The following CD209 variants were observed in gnomAD, a reference collection of about 807,000 sequenced individuals.
The protein encoded by CD209 is CD209 molecule.
A neutral mutation model predicts 44.7 loss-of-function variants in CD209; 31 were observed. The ratio of observed to expected loss-of-function variants is 0.69; its 90% CI spans 0.52 to 0.94. The LOEUF is 0.94. Among genes scored for constraint, CD209 ranks in the 40% least tolerant of loss-of-function variants. The pLI is 0.00. For synonymous variants in CD209, 173 were observed against 181.3 expected (o/e 0.95, Z 0.37); for missense variants, 407 against 452.4 (o/e 0.90, Z 0.91).
chr19:7,746,473 C>A lies in CD209; in HGVS notation c.165G>T (p.Gly55=), dbSNP rs1018608140. 1.9e-6 allele frequency: 3 copies of A among 1,613,468 alleles called. No homozygotes were observed. The highest frequency in any genetic ancestry group is 1.3e-5 in the African/African-American group (1 of 74,948). ...LQLLSFTLLA[G]LLVQVSKVPS... ...CCTGCCCCTGACCTTGGACAAGGAG[C>A]CCAGCCAAGAGCGTGAAGGAGAGGA... Residue 55 remains glycine (G), a synonymous_variant, in exon 3 of 7, where the codon GGG becomes GGT. Transcript: ENST00000315599.
intron 5 of CD209, 96 bp downstream of exon 5, chr19:7,744,845 A>G: frequency 1.3e-6 from 2 of 1,522,404 alleles, no homozygotes; most frequent in South Asian, 1.2e-5. Context: ...CAAGTGGAGC[A>G]AAACCCCTCT....
Position 7,744,094 on chromosome 19 carries a change from T to G in CD209, c.1013+13A>C. 6.3e-7 allele frequency: 1 copy of G among 1,598,154 alleles called. No individual in the cohort carries two copies. Among genetic ancestry groups the G allele is most frequent in the African/African-American group, 1.3e-5 (1 of 74,714 alleles). ...CCAGCCCCAGTGGATAGGGTGCCCCTTCTGAGATCTACCTGGGCAACAGAG... is the reference window on the plus strand; with the variant it reads ...CCAGCCCCAGTGGATAGGGTGCCCCGTCTGAGATCTACCTGGGCAACAGAG... On this transcript the variant is annotated intron_variant, in intron 6 of 6. Transcript: ENST00000315599.
Position 7,740,708 on chromosome 19 carries a change from AAAG to A in CD209, c.*2328_*2330del. ...AGAAGGCACAAGAAGAATTCAGAAT[AAAG>A]AAGGAAAAGGAAGAGGTGGCTAGAA... On this transcript the variant is annotated 3_prime_UTR_variant, in exon 7 of 7. Transcript: ENST00000315599. The A allele has an allele frequency of 2.6e-6, 2 of 771,790 alleles. No homozygotes were observed. The highest frequency in any genetic ancestry group is 1.4e-5 in the South Asian group (1 of 73,862). The allele number at this position is 771,790 out of a possible 1,614,324, so 47.8% of individuals were successfully genotyped here.
rs1199647739 is a variant in CD209 at position 7,744,974 on chromosome 19, G to A, written c.867C>T (p.Ala289=). Residue 289 remains alanine (A), a synonymous_variant, in exon 5 of 7, where the codon GCC becomes GCT. Coordinates refer to ENST00000315599, the MANE Select transcript of CD209 (RefSeq NM_021155.4). ...CAGCACTTTTGATTACGACGAGCTG[G>A]GCCCCCACTTCTTTGCAGGCGGTGA... ...DSITACKEVG[A]QLVVIKSAEE... is the part of the protein sequence containing the mutation. 6.2e-7 allele frequency: 1 copy of A among 1,614,178 alleles called. No homozygotes were observed. Among genetic ancestry groups the A allele is most frequent in the Non-Finnish European group, 8.5e-7 (1 of 1,180,028 alleles).
rs745949019 is a variant in CD209 at position 7,745,094 on chromosome 19, T to G, written c.749-2A>C. On this transcript the variant is annotated splice_acceptor_variant, in intron 4 of 6. Transcript: ENST00000315599. LOFTEE classifies it high-confidence loss of function. ...AGGGACAGGGGTGGCACAGGCGTTC[T>G]GTTGGGGGAGGCTGGTCAGGGCTGG... The G allele has an allele frequency of 3.1e-6, 5 of 1,614,228 alleles. No homozygotes were observed. Among genetic ancestry groups the G allele is most frequent in the African/African-American group, 1.3e-5 (1 of 75,070 alleles).
Position 7,742,958 on chromosome 19 carries a change from G to T in CD209, c.*81C>A. 2 of 1,146,288 alleles carry T rather than the reference G, an allele frequency of 1.7e-6. No homozygotes were observed. The highest frequency in any genetic ancestry group is 2.6e-5 in the South Asian group (2 of 77,164). The allele number at this position is 1,146,288 out of a possible 1,614,324, so 71.0% of individuals were successfully genotyped here. A position where few individuals can be genotyped will look rare whatever the true frequency, so the allele number is the denominator to read the frequency against. On this transcript the variant is annotated 3_prime_UTR_variant, in exon 7 of 7. Transcript: ENST00000315599. Reference sequence around the variant, plus strand: ...CAGCCTTCTAAAGGAGGAAGAATCTGACAAAGAACAGTCCCAGAGATTTTG... The same window carrying T: ...CAGCCTTCTAAAGGAGGAAGAATCTTACAAAGAACAGTCCCAGAGATTTTG...
rs573506619 is a variant in CD209 at position 7,746,067 on chromosome 19, T to C, written c.199A>G (p.Ile67Val). Residue 67 changes from isoleucine (I) to valine (V), a missense_variant, in exon 4 of 7, where the codon ATA becomes GTA. Physicochemically the swap from Ile to Val is conservative, Grantham distance 29. Transcript: ENST00000315599. ...TCTTGCCTGGATTGTTCCTGACTTA[T>C]GGAGCTGGGGACCTTGGACACTGGG... ...LVQVSKVPSSISQEQSRQDAI... is the reference protein window; with the variant it reads ...LVQVSKVPSSVSQEQSRQDAI... 9.5e-5 allele frequency: 154 copies of C among 1,614,228 alleles called. 2 individuals are homozygous for C. In the South Asian group the frequency reaches 1.5e-3, roughly 16 times the overall value.
Position 7,745,844 on chromosome 19 carries a change from G to T in CD209, c.422C>A (p.Ser141Tyr), listed in dbSNP as rs776341389. The T allele has an allele frequency of 4.3e-6, 7 of 1,610,862 alleles. No individual in the cohort carries two copies. The highest frequency in any genetic ancestry group is 5.9e-6 in the Non-Finnish European group (7 of 1,179,686). The change falls in exon 4 of 7, where the codon TCT becomes TAT. Residue 141 changes from serine (S) to tyrosine (Y), a missense_variant. By Grantham distance (144) the Ser-to-Tyr change is moderately radical. Coordinates refer to ENST00000315599, the MANE Select transcript of CD209 (RefSeq NM_021155.4). ...CTCCTGGTAGATCTCCTGCAGCTTAGATTTCTCTGGAAGCTCACCCACTGC... is the reference window on the plus strand; with the variant it reads ...CTCCTGGTAGATCTCCTGCAGCTTATATTTCTCTGGAAGCTCACCCACTGC... ...KAAVGELPEK[S>Y]KLQEIYQELT...
intron 6 of CD209, 126 bp downstream of exon 6, chr19:7,743,981 C>T (rs568356156): frequency 1.3e-6 from 1 of 756,142 alleles, no homozygotes; most frequent in East Asian, 2.7e-5. Context: ...CCTTCCTCAA[C>T]TCAGTAAAAC....
chr19:7,745,798 T>A lies in CD209; in HGVS notation c.468A>T (p.Ala156=). The A allele has an allele frequency of 6.2e-7, 1 of 1,608,622 alleles. No individual in the cohort carries two copies. The highest frequency in any genetic ancestry group is 1.3e-5 in the African/African-American group (1 of 74,762). Residue 156 remains alanine (A), a synonymous_variant, in exon 4 of 7, where the codon GCA becomes GCT. Transcript: ENST00000315599. ...IYQELTWLKA[A]VGELPEKSKM... is the part of the protein sequence containing the mutation. ...TAGATTTCTCTGGAAGCTCACCCACTGCAGCCTTCAGCCAGGTCAGCTCCT... is the reference window on the plus strand; with the variant it reads ...TAGATTTCTCTGGAAGCTCACCCACAGCAGCCTTCAGCCAGGTCAGCTCCT...
chr19:7,743,921 G>A (rs1262402576), intron 6 of CD209, among the ~76,000 whole-genome samples, 186 bp downstream of exon 6: 1 of 152,014 alleles, frequency 6.6e-6, no homozygotes, highest in Non-Finnish European at 1.5e-5. Flanking sequence ...AGCTCTGCTG[G>A]TGGAATTCTA....
intron 2 of CD209, among the ~76,000 whole-genome samples, chr19:7,746,958 A>G (rs2033855505): frequency 6.7e-6 from 1 of 149,578 alleles, no homozygotes. Context: ...CCCAGGTCCC[A>G]GGAACCCAGG....
Position 7,741,861 on chromosome 19 carries a change from A to G in CD209, c.*1178T>C. ...GGTGGGCCACCACGATGAATACTACAGGCTGCGGGGAAGGAGAACCCTAGT... is the reference window on the plus strand; with the variant it reads ...GGTGGGCCACCACGATGAATACTACGGGCTGCGGGGAAGGAGAACCCTAGT... On this transcript the variant is annotated 3_prime_UTR_variant, in exon 7 of 7. Transcript: ENST00000315599. 2 of 475,462 alleles carry G rather than the reference A, an allele frequency of 4.2e-6. No individual in the cohort carries two copies. Among genetic ancestry groups the G allele is most frequent in the Non-Finnish European group, 8.2e-6 (2 of 243,094 alleles). The allele number at this position is 475,462 out of a possible 1,614,324, so 29.5% of individuals were successfully genotyped here.
Position 7,740,438 on chromosome 19 carries a change from G to T in CD209, c.*2601C>A, listed in dbSNP as rs2146309606. ...TATTATAAAGGATACAACTAGAGGG[G>T]CGGGGCGGTGCCGGCAAGATGGCTG... On this transcript the variant is annotated 3_prime_UTR_variant, in exon 7 of 7. Transcript: ENST00000315599. The T allele has an allele frequency of 1.4e-6, 1 of 703,294 alleles. No homozygotes were observed. The highest frequency in any genetic ancestry group is 2.6e-6 in the Non-Finnish European group (1 of 382,044). The allele number at this position is 703,294 out of a possible 1,614,324, so 43.6% of individuals were successfully genotyped here.
chr19:7,743,312 T>C (rs2033678750), intron 6 of CD209, 72 bp from the exon 7 acceptor site: 1 of 1,309,728 alleles, frequency 7.6e-7, no homozygotes, highest in Admixed American at 1.7e-5. Context: ...CCTTCTGTCA[T>C]CTTGATGCCT....
At chr19:7,744,791 G>T in intron 5 of CD209, 150 bp downstream of exon 5, 2 of 1,104,182 alleles carry the variant, frequency 1.8e-6, no homozygotes, top group Non-Finnish European at 2.6e-6. Context: ...TGCTCTAAGG[G>T]TACTTGAGAC....
At chr19:7,743,504 G>A (rs922315723) in intron 6 of CD209, among the ~76,000 whole-genome samples, 3 of 152,002 alleles carry the variant, frequency 2.0e-5, no homozygotes, top group Non-Finnish European at 2.9e-5. Flanking sequence ...CACCTCCAGC[G>A]ACCTGCCTTA....
Position 7,743,086 on chromosome 19 carries a change from GTTC to G in CD209, c.1165_1167del (p.Glu389del), listed in dbSNP as rs2033665355. On this transcript the variant is annotated inframe_deletion, in exon 7 of 7. Coordinates refer to ENST00000315599, the MANE Select transcript of CD209 (RefSeq NM_021155.4). ...GTGGCAGGGGCTGGAGAAAGAAACT[GTTC>G]TTCATCCCTGGAGCAGGAGGCTGCG... is the stretch of plus-strand genomic sequence containing the variant. 1.9e-6 allele frequency: 3 copies of G among 1,614,048 alleles called. No homozygotes were observed. Among genetic ancestry groups the G allele is most frequent in the East Asian group, 2.2e-5 (1 of 44,900 alleles).
chr19:7,746,218 C>G, intron 3 of CD209, 131 bp from the exon 4 acceptor site: 1 of 1,369,226 alleles, frequency 7.3e-7, no homozygotes, highest in African/African-American at 1.5e-5. Flanking sequence ...ATGAAGAAAA[C>G]TGACACCTGG....
Sources: gnomAD v4.1 joint callset for allele counts (sites outside exome capture counted in the v4.1 genomes callset) on GRCh38, gnomAD v4.1.1 for gene constraint, MANE v1.5 for transcripts, NCBI Gene and HGNC (gene_info 2026-07-23, HGNC 2026-07-21) for gene names.